XKR9: variants seen among roughly 807,000 people sequenced by gnomAD.
XKR9 encodes the protein XK-related protein 9.
A neutral mutation model predicts 32.0 loss-of-function variants in XKR9; 32 were observed. The ratio of observed to expected loss-of-function variants is 1.00; its 90% CI spans 0.76 to 1.34. XKR9 has a LOEUF of 1.34. Among genes scored for constraint, XKR9 ranks in the 40% most tolerant of loss-of-function variants. The probability of loss-of-function intolerance (pLI) is 0.00; values close to 1 mark genes in which losing one functional copy is unlikely to be tolerated. For missense variants in XKR9, 546 were observed against 429.7 expected (o/e 1.27, Z -2.39); for synonymous variants, 168 against 143.4 (o/e 1.17, Z -1.22).
the XKR9 span, among the ~76,000 whole-genome samples, chr8:71,046,724 C>T: frequency 5.2e-4 from 79 of 152,222 alleles, 1 homozygote; most frequent in South Asian, 8.3e-3. Context: ...CTTAAGAGAT[C>T]GACTCCTCAG....
chr8:70,929,019 C>A, the XKR9 span, among the ~76,000 whole-genome samples: 1 of 152,176 alleles, frequency 6.6e-6, no homozygotes, highest in African/African-American at 2.4e-5. Flanking sequence ...CCAATGTGAG[C>A]ATCTTGAAGG....
chr8:70,890,882 T>C, the XKR9 span, among the ~76,000 whole-genome samples: 1 of 151,990 alleles, frequency 6.6e-6, no homozygotes, highest in African/African-American at 2.4e-5. Flanking sequence ...TATTAGTTCT[T>C]TAAATGTTTG....
chr8:70,691,393 T>C (rs1384560570), intron 3 of XKR9, among the ~76,000 whole-genome samples: 2 of 152,230 alleles, frequency 1.3e-5, no homozygotes, highest in Non-Finnish European at 1.5e-5. Flanking sequence ...TTTCTTTCGC[T>C]GTACAGAAGC....
the XKR9 span, among the ~76,000 whole-genome samples, chr8:70,996,692 G>A: frequency 1.3e-5 from 2 of 152,180 alleles, no homozygotes; most frequent in Admixed American, 6.5e-5. Flanking sequence ...TACCCAAAAT[G>A]TGGCCCCTTG....
chr8:71,019,258 G>A, the XKR9 span, among the ~76,000 whole-genome samples: 2 of 152,170 alleles, frequency 1.3e-5, no homozygotes, highest in African/African-American at 2.4e-5. Flanking sequence ...GAATTTTAGC[G>A]AAGTCCTTGG....
the XKR9 span, among the ~76,000 whole-genome samples, chr8:71,062,620 T>C: frequency 6.6e-6 from 1 of 152,066 alleles, no homozygotes; most frequent in African/African-American, 2.4e-5. Flanking sequence ...CTTAAGCCAG[T>C]TGGGTTTTGG....
chr8:70,681,064 A>G lies in XKR9; in HGVS notation c.6A>G (p.Lys2=). The G allele has an allele frequency of 6.2e-7, 1 of 1,608,812 alleles. No homozygotes were observed. The highest frequency in any genetic ancestry group is 1.3e-5 in the African/African-American group (1 of 74,792). M[K]YTKQNFMMSV... ...AAAAGCTATAGTCATTCGTAATGAA[A>G]TATACTAAACAGAATTTTATGATGT... The change falls in exon 3 of 5, where the codon AAA becomes AAG. Residue 2 remains lysine, a synonymous_variant. Transcript: ENST00000408926.
the XKR9 span, among the ~76,000 whole-genome samples, chr8:70,936,819 T>C: frequency 2.6e-5 from 4 of 151,984 alleles, no homozygotes; most frequent in African/African-American, 9.7e-5. Flanking sequence ...TAGAAAAGGG[T>C]CCAAAGCCGC....
intron 3 of XKR9, among the ~76,000 whole-genome samples, chr8:70,701,949 TTTAA>T (rs1805552154): frequency 6.6e-6 from 1 of 152,214 alleles, no homozygotes; most frequent in African/African-American, 2.4e-5. Context: ...TGAAAGGCAT[TTTAA>T]TTATTTAAAA....
chr8:70,744,305 C>T (rs62532060), intron 2 of XKR9, among the ~76,000 whole-genome samples: 11,043 of 117,082 alleles, frequency 0.094, 475 homozygotes, highest in Non-Finnish European at 0.12. Flanking sequence ...AGCGAGACTT[C>T]GCCTCAAAAA....
At position 70,776,947 on chromosome 8, in the gene XKR9, C is replaced by CTATATATATA. The variant is rs1554556847; in HGVS notation, n.353-12384_353-12375dup. ...TTTCTCTCTCTCTCTCTCTCTCTCT[C>CTATATATATA]TATATATATATATATATGTATGTAT... On this transcript the variant is annotated intron_variant and non_coding_transcript_variant, in intron 2 of 3. Transcript: ENST00000520273. Among the ~76,000 whole-genome samples the CTATATATATA allele has an allele frequency of 1.5e-3, 81 of 54,208 alleles. 3 individuals are homozygous for CTATATATATA. The highest frequency in any genetic ancestry group is 5.4e-3 in the African/African-American group (68 of 12,606). 35.6% of individuals were successfully genotyped at this position (54,208 alleles called of 152,430 possible).
the XKR9 span, among the ~76,000 whole-genome samples, chr8:70,845,045 C>G: frequency 3.3e-5 from 5 of 152,292 alleles, no homozygotes; most frequent in South Asian, 8.3e-4. Context: ...GACAGGCATG[C>G]CTGGCCCACT....
At chr8:70,720,868 A>T (rs908262207) in intron 4 of XKR9, among the ~76,000 whole-genome samples, 1 of 152,196 alleles carries the variant, frequency 6.6e-6, no homozygotes, top group African/African-American at 2.4e-5. Context: ...TAGTTCCCCA[A>T]GGAATGGTAC....
At chr8:70,946,200 CCTCTAA>C in the XKR9 span, among the ~76,000 whole-genome samples, 14 of 152,108 alleles carry the variant, frequency 9.2e-5, no homozygotes, top group African/African-American at 2.9e-4. Flanking sequence ...CCTAAGAGAT[CCTCTAA>C]CTCTAAGTAG....
At chr8:71,010,045 C>T in the XKR9 span, among the ~76,000 whole-genome samples, 1 of 152,180 alleles carries the variant, frequency 6.6e-6, no homozygotes. Context: ...TGATCTGTGA[C>T]TTCCTAGCTG....
chr8:70,870,591 G>A, the XKR9 span, among the ~76,000 whole-genome samples: 2 of 152,102 alleles, frequency 1.3e-5, no homozygotes, highest in South Asian at 2.1e-4. Flanking sequence ...TCCAAAAGTC[G>A]GTAATTTGCC....
the XKR9 span, among the ~76,000 whole-genome samples, chr8:70,956,852 G>T: frequency 6.6e-6 from 1 of 152,266 alleles, no homozygotes; most frequent in East Asian, 1.9e-4. Flanking sequence ...AAGCCTGCAG[G>T]GTCAGGGGGC....
the XKR9 span, among the ~76,000 whole-genome samples, chr8:70,955,333 CTT>C: frequency 1.3e-5 from 2 of 152,176 alleles, no homozygotes. Flanking sequence ...TTCTATCAGT[CTT>C]CAGTCCCTGG....
At chr8:70,689,478 T>A (rs1819433824) in intron 3 of XKR9, among the ~76,000 whole-genome samples, 1 of 148,262 alleles carries the variant, frequency 6.7e-6, no homozygotes, top group Non-Finnish European at 1.5e-5. Flanking sequence ...TGTATATATA[T>A]GTATTTTTTA....
Sources: allele counts gnomAD v4.1 joint callset (sites outside exome capture counted in the v4.1 genomes callset), GRCh38; gene constraint gnomAD v4.1.1; transcripts MANE v1.5; gene names NCBI Gene and HGNC (gene_info 2026-07-23, HGNC 2026-07-21).